Variants in CCDC187 observed in about 807,000 individuals in gnomAD.
CCDC187 encodes the protein coiled-coil domain-containing protein 187.
A neutral mutation model predicts 38.0 loss-of-function variants in CCDC187; 32 were observed. The observed-to-expected ratio is 0.84, with a 90% confidence interval of 0.64 to 1.13. CCDC187 has a LOEUF of 1.13. Among genes scored for constraint, CCDC187 ranks in the 50% most tolerant of loss-of-function variants. CCDC187 has a pLI of 0.00. For missense variants in CCDC187, 707 were observed against 786.8 expected (o/e 0.90, Z 1.21); for synonymous variants, 333 against 347.9 (o/e 0.96, Z 0.48).
upstream of CCDC187, among the ~76,000 whole-genome samples, chr9:136,306,372 C>T (rs1036520679): frequency 6.6e-6 from 1 of 152,202 alleles, no homozygotes; most frequent in African/African-American, 2.4e-5. Flanking sequence ...TGCAGTTCCC[C>T]TCCTGGGACC....
chr9:136,290,019 A>T lies in CCDC187; in HGVS notation c.2162T>A (p.Val721Glu), dbSNP rs1831278739. The T allele has an allele frequency of 5.0e-6, 2 of 398,040 alleles. No homozygotes were observed. The highest frequency in any genetic ancestry group is 4.1e-5 in the African/African-American group (2 of 48,416). The allele number at this position is 398,040 out of a possible 1,614,324, so 24.7% of individuals were successfully genotyped here. The change falls in exon 7 of 26, where the codon GTG becomes GAG. Residue 721 changes from valine to glutamate, a missense_variant. Transcript: ENST00000638797. ...LEASGSLESP[V>E]LEWSKVTSGM... ...AGAGGTCACTTTGCTCCATTCCAGC[A>T]CTGGGGACTCCAGGCTCCCGGAGGC...
chr9:136,286,891 C>T (rs1441272290), intron 7 of CCDC187, among the ~76,000 whole-genome samples, 196 bp from the exon 8 acceptor site: 4 of 152,170 alleles, frequency 2.6e-5, no homozygotes, highest in Non-Finnish European at 4.4e-5. Flanking sequence ...CAGGGCCAGG[C>T]GTGAGCGAGG....
intron 2 of CCDC187, among the ~76,000 whole-genome samples, chr9:136,300,781 G>C (rs906043439): frequency 3.9e-5 from 6 of 152,264 alleles, no homozygotes; most frequent in East Asian, 3.9e-4. Context: ...TGTATTTTTA[G>C]TAGAGACGGG....
rs1830624143 is a variant in CCDC187, at chr9:136,257,295, C to T, written c.4367-454G>A. Among the ~76,000 whole-genome samples, 1 of 152,100 alleles carries T rather than the reference C, an allele frequency of 6.6e-6. No homozygotes were observed. Among genetic ancestry groups the T allele is most frequent in the African/African-American group, 2.4e-5 (1 of 41,396 alleles). On this transcript the variant is annotated intron_variant, in intron 22 of 25. Transcript: ENST00000638797. This position sits in a 1 kb window ranked among gnomAD's most constrained non-coding sequence, Gnocchi z 4.5. ...GGCTGAGGCAAAAGAATTGCTTGAA[C>T]CCGGGAGGCGGAGGTTGCAGTGAGC...
At chr9:136,277,100 C>T (rs1031045765) in intron 10 of CCDC187, among the ~76,000 whole-genome samples, 1 of 151,878 alleles carries the variant, frequency 6.6e-6, no homozygotes, top group Non-Finnish European at 1.5e-5. Flanking sequence ...ATGGGCTTTG[C>T]CCCCAGACAG....
intron 10 of CCDC187, among the ~76,000 whole-genome samples, chr9:136,279,270 T>C (rs1830994019): frequency 6.6e-6 from 1 of 152,216 alleles, no homozygotes; most frequent in Admixed American, 6.5e-5. Flanking sequence ...TGGGTTTCAC[T>C]GGACAGCTCT....
chr9:136,278,411 G>A (rs1048115056), intron 10 of CCDC187, among the ~76,000 whole-genome samples: 9 of 152,224 alleles, frequency 5.9e-5, no homozygotes, highest in African/African-American at 1.9e-4. Flanking sequence ...TGACCCCGGA[G>A]AAAGCGAGCC....
At chr9:136,286,818 C>T (rs1376994131) in intron 7 of CCDC187, 123 bp from the exon 8 acceptor site, 2 of 397,550 alleles carry the variant, frequency 5.0e-6, no homozygotes, top group Non-Finnish European at 8.8e-6. Context: ...CAGTGTCTGT[C>T]CGCAGGGACC....
At chr9:136,260,385 G>A (rs1830666113) in intron 19 of CCDC187, 121 bp from the exon 20 acceptor site, 1 of 705,996 alleles carries the variant, frequency 1.4e-6, no homozygotes, top group African/African-American at 2.0e-5. Flanking sequence ...TCACATCCAG[G>A]GATGGCTGTG....
chr9:136,286,793 C>T (rs1831193000), intron 7 of CCDC187, 98 bp from the exon 8 acceptor site: 3 of 397,804 alleles, frequency 7.5e-6, no homozygotes, highest in South Asian at 1.4e-4. Flanking sequence ...GTCACAGCAG[C>T]GTCTGTGACG....
At chr9:136,298,433 C>T (rs1249961615) in intron 3 of CCDC187, among the ~76,000 whole-genome samples, 7 of 152,208 alleles carry the variant, frequency 4.6e-5, no homozygotes, top group Admixed American at 1.3e-4. Flanking sequence ...CAGCGGCCAC[C>T]GAGAGGGCCC....
chr9:136,263,546 TA>T (rs1388592915), intron 18 of CCDC187, 75 bp downstream of exon 18: 2 of 971,500 alleles, frequency 2.1e-6, no homozygotes, highest in African/African-American at 1.8e-5. Flanking sequence ...CAGGCATTTT[TA>T]CAAGGGACTT....
At chr9:136,284,699 G>A (rs1385358751) in intron 9 of CCDC187, among the ~76,000 whole-genome samples, 4 of 150,462 alleles carry the variant, frequency 2.7e-5, no homozygotes, top group South Asian at 4.3e-4. Flanking sequence ...TGGTGGGCTC[G>A]GAGGAAGATT....
At position 136,280,056 on chromosome 9, in the gene CCDC187, G is replaced by A. The variant is rs960906807; in HGVS notation, c.3040+1495C>T. On this transcript the variant is annotated intron_variant, in intron 10 of 25. Coordinates refer to ENST00000638797, the MANE Select transcript of CCDC187 (RefSeq NM_001378188.1). ...CATTTCTGGTCATTATAAATCATCC[G>A]GTCTCTGGGATTCTGTTACGACAGC... 7.9e-3 allele frequency among the ~76,000 whole-genome samples: 1,197 copies of A among 152,308 alleles called. 17 individuals are homozygous for A. The highest frequency in any genetic ancestry group is 0.027 in the African/African-American group (1,130 of 41,560).
At chr9:136,263,152 C>A (rs1483275890) in intron 18 of CCDC187, among the ~76,000 whole-genome samples, 1 of 151,630 alleles carries the variant, frequency 6.6e-6, no homozygotes, top group Non-Finnish European at 1.5e-5. Flanking sequence ...ATCCAGGAAG[C>A]CTCCTCAGCC....
chr9:136,293,394 CACACTCACAA>C (rs1330110963), intron 4 of CCDC187, among the ~76,000 whole-genome samples: 6,065 of 126,204 alleles, frequency 0.048, 414 homozygotes, highest in East Asian at 0.12. Context: ...CACATGCTCA[CACACTCACAA>C]ACACTCACAT....
rs117994799 is a variant in CCDC187 at position 136,263,084 on chromosome 9, C to T, written c.3912+538G>A. Among the ~76,000 whole-genome samples the T allele has an allele frequency of 1.7e-3, 258 of 151,992 alleles. 1 individual carries two copies. The highest frequency in any genetic ancestry group is 3.4e-3 in the Middle Eastern group (1 of 294). ...GTCCTGCTTATCCTCCCCACCCAAT[C>T]CACCGCTGCCCCCACCTGAAGTCTG... On this transcript the variant is annotated intron_variant, in intron 18 of 25. Coordinates refer to ENST00000638797, the MANE Select transcript of CCDC187 (RefSeq NM_001378188.1).
At chr9:136,272,762 G>C (rs1024868080) in intron 14 of CCDC187, among the ~76,000 whole-genome samples, 15 of 151,530 alleles carry the variant, frequency 9.9e-5, no homozygotes, top group African/African-American at 3.6e-4. Flanking sequence ...TGGTCCCAGC[G>C]ACTTGGGAGG....
intron 9 of CCDC187, among the ~76,000 whole-genome samples, chr9:136,283,539 C>T (rs1220594220): frequency 6.6e-6 from 1 of 152,254 alleles, no homozygotes; most frequent in African/African-American, 2.4e-5. Flanking sequence ...CTCCGGGCCA[C>T]GGTTCATGAA....
Sources: allele counts gnomAD v4.1 joint callset (sites outside exome capture counted in the v4.1 genomes callset), GRCh38; gene constraint gnomAD v4.1.1; non-coding constraint Gnocchi (gnomAD v3.1); transcripts MANE v1.5; gene names NCBI Gene and HGNC (gene_info 2026-07-23, HGNC 2026-07-21).